Variants in USP6NL observed in about 807,000 individuals in gnomAD.
USP6NL encodes USP6 N-terminal like, also known as USP6 N-terminal-like protein.
A neutral mutation model predicts 61.9 loss-of-function variants in USP6NL; 26 were observed. The observed-to-expected ratio is 0.42, with a 90% CI of 0.31 to 0.58. The LOEUF is 0.58. USP6NL is among the 20% of genes least tolerant of loss of function. The pLI is 0.16. For missense variants in USP6NL, 1,114 were observed against 1,034.3 expected (o/e 1.08, Z -1.06); for synonymous variants, 432 against 390.1 (o/e 1.11, Z -1.27).
In USP6NL at chr10:11,548,629, A is replaced by C. The variant is rs544235789; in HGVS notation, c.5-21062T>G. ...TAAATTTTCACCCTAGCCACTGAAA[A>C]ACTGCTGAATAAGCTAAGATCCTAG... is the stretch of plus-strand genomic sequence containing the variant. On this transcript the variant is annotated intron_variant, in intron 2 of 14. Coordinates refer to ENST00000609104, the MANE Select transcript of USP6NL (RefSeq NM_014688.5). This position sits in a 1 kb window ranked among gnomAD's most constrained non-coding sequence, Gnocchi z 4.3. Among the ~76,000 whole-genome samples, 24 of 152,280 alleles carry C rather than the reference A, an allele frequency of 1.6e-4. No individual in the cohort carries two copies. The highest frequency in any genetic ancestry group is 6.8e-3 in the Middle Eastern group (2 of 294).
chr10:11,576,085 T>C (rs1306759098), intron 2 of USP6NL, among the ~76,000 whole-genome samples: 1 of 148,394 alleles, frequency 6.7e-6, no homozygotes, highest in Non-Finnish European at 1.5e-5. Context: ...CTCTAACACT[T>C]CAGGAAAAAA....
rs1836350566 is a variant in USP6NL at position 11,548,070 on chromosome 10, G to A, written c.5-20503C>T. ...ACTCAATTTCTCCTTAAGGCTTCCA[G>A]AAATGAAAATCTCACAAGTCAGCCC... is the stretch of plus-strand genomic sequence containing the variant. On this transcript the variant is annotated intron_variant, in intron 2 of 14. Coordinates refer to ENST00000609104, the MANE Select transcript of USP6NL (RefSeq NM_014688.5). The surrounding 1 kb of genome is among the most constrained non-coding windows in gnomAD (Gnocchi z 4.3). Among the ~76,000 whole-genome samples the A allele has an allele frequency of 6.6e-6, 1 of 152,114 alleles. No homozygotes were observed.
At position 11,597,665 on chromosome 10, in the gene USP6NL, T is replaced by C; in HGVS notation, c.-31A>G. 2 of 1,550,648 alleles carry C rather than the reference T, an allele frequency of 1.3e-6. No individual in the cohort carries two copies. Among genetic ancestry groups the C allele is most frequent in the South Asian group, 1.2e-5 (1 of 84,004 alleles). ...GAAATGGGTCTGAATGTTGTCCCAA[T>C]CAGATATTAAACCAAAATCTGCTGT... On this transcript the variant is annotated 5_prime_UTR_variant, in exon 2 of 15. Transcript: ENST00000609104. The surrounding 1 kb of genome is among the most constrained non-coding windows in gnomAD (Gnocchi z 4.6).
At chr10:11,524,861 A>C (rs1835354814) in intron 4 of USP6NL, among the ~76,000 whole-genome samples, 1 of 152,182 alleles carries the variant, frequency 6.6e-6, no homozygotes, top group Admixed American at 6.5e-5. Flanking sequence ...TTAAGGATCC[A>C]AATTATTTTA....
At position 11,532,352 on chromosome 10, in the gene USP6NL, C is replaced by T; in HGVS notation, c.5-4785G>A. The stretch of plus-strand genomic sequence containing the variant: ...TAACTAAAACAAAGAAAGGCAGAGG[C>T]AGCTCTACTTTAAACTATCTGTGAA... On this transcript the variant is annotated intron_variant, in intron 2 of 14. Coordinates refer to ENST00000609104, the MANE Select transcript of USP6NL (RefSeq NM_014688.5). The surrounding 1 kb of genome is among the most constrained non-coding windows in gnomAD (Gnocchi z 4.1). 2 of 757,002 alleles carry T rather than the reference C, an allele frequency of 2.6e-6. No homozygotes were observed. Among genetic ancestry groups the T allele is most frequent in the Middle Eastern group, 2.4e-4 (1 of 4,172 alleles). 46.9% of individuals were successfully genotyped at this position (757,002 alleles called of 1,614,324 possible).
rs932272577 is a variant in USP6NL at position 11,495,083 on chromosome 10, G to A, written c.385-1855C>T. Among the ~76,000 whole-genome samples the A allele has an allele frequency of 7.2e-5, 11 of 152,176 alleles. No individual in the cohort carries two copies. The East Asian group carries it at 1.5e-3, about 21-fold the overall frequency. On this transcript the variant is annotated intron_variant, in intron 7 of 14. Transcript: ENST00000609104. This position sits in a 1 kb window ranked among gnomAD's most constrained non-coding sequence, Gnocchi z 4.6. The stretch of plus-strand genomic sequence containing the variant: ...GCTAGACCTCGGTCCGCCTGGCAAC[G>A]GGCGTCTTCCCAGATGCTGGCGTTA...
intron 14 of USP6NL, among the ~76,000 whole-genome samples, chr10:11,466,850 T>C (rs187056064): frequency 6.6e-6 from 1 of 152,160 alleles, no homozygotes; most frequent in African/African-American, 2.4e-5. Flanking sequence ...CAGTGGTAGG[T>C]ATTTGTGAAT....
rs1832681645 is a variant in USP6NL at position 11,470,282 on chromosome 10, G to T, written c.1079-6433C>A. On this transcript the variant is annotated intron_variant, in intron 14 of 14. Coordinates refer to ENST00000609104, the MANE Select transcript of USP6NL (RefSeq NM_014688.5). The surrounding 1 kb of genome is among the most constrained non-coding windows in gnomAD (Gnocchi z 5.4). ...CAGGGAACCTCATGGAGGGCCCGCGGGGACTCGCTGGCTTTTCACAGCCTC... is the reference window on the plus strand; with the variant it reads ...CAGGGAACCTCATGGAGGGCCCGCGTGGACTCGCTGGCTTTTCACAGCCTC... Among the ~76,000 whole-genome samples the T allele has an allele frequency of 6.6e-6, 1 of 152,188 alleles. No homozygotes were observed. The highest frequency in any genetic ancestry group is 1.5e-5 in the Non-Finnish European group (1 of 68,028).
rs1162146768 is a variant in USP6NL, at chr10:11,597,668, GAT to G, written c.-36_-35del. 3.9e-6 allele frequency: 6 copies of G among 1,548,146 alleles called. No homozygotes were observed. The highest frequency in any genetic ancestry group is 5.2e-6 in the Non-Finnish European group (6 of 1,143,852). On this transcript the variant is annotated 5_prime_UTR_variant, in exon 2 of 15. It introduces an in-frame stop codon into an upstream open reading frame of the 5' UTR. Coordinates refer to ENST00000609104, the MANE Select transcript of USP6NL (RefSeq NM_014688.5). The surrounding 1 kb of genome is among the most constrained non-coding windows in gnomAD (Gnocchi z 4.6). ...ATGGGTCTGAATGTTGTCCCAATCA[GAT>G]ATTAAACCAAAATCTGCTGTCCAAG... is the stretch of plus-strand genomic sequence containing the variant.
intron 14 of USP6NL, among the ~76,000 whole-genome samples, chr10:11,473,157 T>G (rs1832825427): frequency 6.6e-6 from 1 of 152,234 alleles, no homozygotes; most frequent in Admixed American, 6.5e-5. Flanking sequence ...CCCCAAAAAC[T>G]GCCTCAGGCT....
chr10:11,583,483 G>T lies in USP6NL; in HGVS notation c.4+14148C>A, dbSNP rs549331692. On this transcript the variant is annotated intron_variant, in intron 2 of 14. Coordinates refer to ENST00000609104, the MANE Select transcript of USP6NL (RefSeq NM_014688.5). ...TGGGATTACAGGCGTGAGCCACCGCGCCCGGCTACTACATTTTCAATTTTT... is the reference window on the plus strand; with the variant it reads ...TGGGATTACAGGCGTGAGCCACCGCTCCCGGCTACTACATTTTCAATTTTT... Among the ~76,000 whole-genome samples the T allele has an allele frequency of 4.1e-4, 62 of 152,120 alleles. 1 individual carries two copies. In the South Asian group the frequency reaches 0.01, roughly 26 times the overall value.
intron 14 of USP6NL, among the ~76,000 whole-genome samples, chr10:11,475,504 G>A (rs1482924853): frequency 6.7e-6 from 1 of 149,186 alleles, no homozygotes; most frequent in Admixed American, 6.7e-5. Context: ...GCTGAGGCAG[G>A]AGAATCACTT....
At chr10:11,547,632 C>A (rs959352096) in intron 2 of USP6NL, among the ~76,000 whole-genome samples, 5 of 151,964 alleles carry the variant, frequency 3.3e-5, no homozygotes, top group African/African-American at 7.3e-5. Flanking sequence ...CTCCGCCTCC[C>A]GGGGTTCACG....
rs1466154207 is a variant in USP6NL at position 11,528,135 on chromosome 10, A to G, written c.5-568T>C. Among the ~76,000 whole-genome samples, 1 of 150,526 alleles carries G rather than the reference A, an allele frequency of 6.6e-6. No individual in the cohort carries two copies. Among genetic ancestry groups the G allele is most frequent in the Non-Finnish European group, 1.5e-5 (1 of 67,788 alleles). ...TGTGTGGACACACACACAGACACAC[A>G]CACACACACACACACACACACACAC... On this transcript the variant is annotated intron_variant, in intron 2 of 14. Coordinates refer to ENST00000609104, the MANE Select transcript of USP6NL (RefSeq NM_014688.5). This position sits in a 1 kb window ranked among gnomAD's most constrained non-coding sequence, Gnocchi z 4.6.
Position 11,577,940 on chromosome 10 carries a change from ACAGG to A in USP6NL, c.4+19687_4+19690del, listed in dbSNP as rs1837613121. 3.3e-5 allele frequency among the ~76,000 whole-genome samples: 4 copies of A among 120,260 alleles called. No homozygotes were observed. The East Asian group carries it at 1.1e-3, about 33-fold the overall frequency. 78.9% of individuals were successfully genotyped at this position (120,260 alleles called of 152,430 possible). On this transcript the variant is annotated intron_variant, in intron 2 of 14. Transcript: ENST00000609104. ...TCTACCTAATAAAAGAAAAAAAAAT[ACAGG>A]TGATGTTATTATACAGGTGATGTTA...
chr10:11,516,545 T>C (rs943539784), intron 5 of USP6NL, among the ~76,000 whole-genome samples: 7 of 152,148 alleles, frequency 4.6e-5, no homozygotes, highest in Non-Finnish European at 1.0e-4. Flanking sequence ...CTTAGGCTGT[T>C]TTGCATGTGG....
rs912790088 is a variant in USP6NL, at chr10:11,589,059, T to C, written c.4+8572A>G. Among the ~76,000 whole-genome samples the C allele has an allele frequency of 2.0e-5, 3 of 152,156 alleles. No individual in the cohort carries two copies. Among genetic ancestry groups the C allele is most frequent in the Admixed American group, 6.5e-5 (1 of 15,274 alleles). ...ATGTATGGAAACCCGGATAAGATAA[T>C]GGCAATGGAGAAGCGCCTTTCCTTA... On this transcript the variant is annotated intron_variant, in intron 2 of 14. Transcript: ENST00000609104. This position sits in a 1 kb window ranked among gnomAD's most constrained non-coding sequence, Gnocchi z 4.7.
intron 6 of USP6NL, among the ~76,000 whole-genome samples, chr10:11,509,117 G>C (rs1384023140): frequency 6.6e-6 from 1 of 152,160 alleles, no homozygotes; most frequent in African/African-American, 2.4e-5. Context: ...TAAAGGGGAG[G>C]TTTGCTAGAA....
Position 11,489,830 on chromosome 10 carries a change from A to G in USP6NL, c.544-608T>C, listed in dbSNP as rs1482572968. The stretch of plus-strand genomic sequence containing the variant: ...ACTCATCAGACACTGTCTCTATGAA[A>G]TGTGAACAAAGCCAGAGACTGTAAT... On this transcript the variant is annotated intron_variant, in intron 9 of 14. Coordinates refer to ENST00000609104, the MANE Select transcript of USP6NL (RefSeq NM_014688.5). The surrounding 1 kb of genome is among the most constrained non-coding windows in gnomAD (Gnocchi z 5.7). Among the ~76,000 whole-genome samples, 2 of 152,240 alleles carry G rather than the reference A, an allele frequency of 1.3e-5. No homozygotes were observed. Among genetic ancestry groups the G allele is most frequent in the Non-Finnish European group, 2.9e-5 (2 of 68,030 alleles).
Sources: allele counts gnomAD v4.1 joint callset (sites outside exome capture counted in the v4.1 genomes callset), GRCh38; gene constraint gnomAD v4.1.1; non-coding constraint Gnocchi (gnomAD v3.1); transcripts MANE v1.5; gene names NCBI Gene and HGNC (gene_info 2026-07-23, HGNC 2026-07-21).